CADPS2: variants seen among roughly 807,000 people sequenced by gnomAD.
CADPS2 encodes calcium dependent secretion activator 2.
In CADPS2, 93 loss-of-function variants were observed where a neutral mutation model predicts 172.5. That is an observed-to-expected ratio of 0.54 (90% CI 0.46 to 0.64). CADPS2 has a LOEUF of 0.64. CADPS2 is among the 30% of genes least tolerant of loss of function. CADPS2 has a pLI of 0.00. For missense variants in CADPS2, 1,420 were observed against 1,565.9 expected (o/e 0.91, Z 1.57); for synonymous variants, 546 against 555.2 (o/e 0.98, Z 0.23).
intron 2 of CADPS2, among the ~76,000 whole-genome samples, chr7:122,690,196 C>T (rs575409029): frequency 7.4e-4 from 112 of 152,164 alleles, no homozygotes; most frequent in Non-Finnish European, 1.4e-3. Context: ...GGGTAAATCA[C>T]GTCCCTCAGG....
At chr7:122,402,416 T>C (rs1440154934) in intron 20 of CADPS2, among the ~76,000 whole-genome samples, 2 of 152,202 alleles carry the variant, frequency 1.3e-5, no homozygotes, top group Admixed American at 1.3e-4. Flanking sequence ...CCCGCCCGAG[T>C]TCCTGCCTCT....
At chr7:122,652,347 T>C (rs189808006) in intron 3 of CADPS2, among the ~76,000 whole-genome samples, 2 of 152,330 alleles carry the variant, frequency 1.3e-5, no homozygotes, top group East Asian at 1.9e-4. Flanking sequence ...AAATAACTTT[T>C]CATAAACACA....
At chr7:122,514,890 A>G (rs141683283) in intron 8 of CADPS2, among the ~76,000 whole-genome samples, 2 of 152,164 alleles carry the variant, frequency 1.3e-5, no homozygotes, top group African/African-American at 4.8e-5. Context: ...AACTACACAC[A>G]TAGTTAATGA....
At chr7:122,768,394 T>C (rs912364732) in intron 1 of CADPS2, among the ~76,000 whole-genome samples, 12 of 152,180 alleles carry the variant, frequency 7.9e-5, no homozygotes, top group Non-Finnish European at 1.8e-4. Context: ...AAAGTATTCC[T>C]ACTTTGTTTC....
intron 1 of CADPS2, among the ~76,000 whole-genome samples, chr7:122,868,772 C>T (rs1210207733): frequency 6.6e-6 from 1 of 152,046 alleles, no homozygotes; most frequent in African/African-American, 2.4e-5. Context: ...ACAAGGAATT[C>T]AAAAGGACAG....
intron 8 of CADPS2, among the ~76,000 whole-genome samples, chr7:122,519,375 GAAC>G (rs746466223): frequency 1.2e-4 from 18 of 151,848 alleles, no homozygotes; most frequent in East Asian, 9.7e-4. Flanking sequence ...TGTTCCCTTT[GAAC>G]AACAACAACA....
chr7:122,826,733 A>G (rs1469506257), intron 1 of CADPS2, among the ~76,000 whole-genome samples: 1 of 152,154 alleles, frequency 6.6e-6, no homozygotes, highest in Non-Finnish European at 1.5e-5. Flanking sequence ...AAGATCACTG[A>G]AATGGAAAAC....
At chr7:122,711,059 G>A (rs1300591077) in intron 2 of CADPS2, among the ~76,000 whole-genome samples, 3 of 152,028 alleles carry the variant, frequency 2.0e-5, no homozygotes, top group Non-Finnish European at 2.9e-5. Flanking sequence ...TAAAGAAAGA[G>A]AACAGGCAAT....
In CADPS2 at chr7:122,418,838, G is replaced by T. The variant is rs144409437; in HGVS notation, c.2477-2674C>A. ...CATATATTTTAGCACTAACTACATT[G>T]CCACATAAGTGTGATTTAAAATAAG... is the stretch of plus-strand genomic sequence containing the variant. On this transcript the variant is annotated intron_variant, in intron 17 of 29. Transcript: ENST00000449022. Among the ~76,000 whole-genome samples, 67 of 152,250 alleles carry T rather than the reference G, an allele frequency of 4.4e-4. 4 individuals are homozygous for T. The highest frequency in any genetic ancestry group is 4.1e-4 in the South Asian group (2 of 4,824).
intron 1 of CADPS2, among the ~76,000 whole-genome samples, chr7:122,781,187 T>A (rs898621952): frequency 1.3e-5 from 2 of 152,194 alleles, no homozygotes; most frequent in African/African-American, 2.4e-5. Context: ...TCATTTCAAT[T>A]TGTTGTCCTT....
At chr7:122,638,029 T>C (rs1403930259) in intron 3 of CADPS2, among the ~76,000 whole-genome samples, 1 of 152,188 alleles carries the variant, frequency 6.6e-6, no homozygotes, top group Non-Finnish European at 1.5e-5. Flanking sequence ...GTAGCTCTGT[T>C]GTATTTTGGC....
At chr7:122,736,424 T>C (rs1401904193) in intron 2 of CADPS2, among the ~76,000 whole-genome samples, 3 of 152,126 alleles carry the variant, frequency 2.0e-5, no homozygotes, top group Non-Finnish European at 4.4e-5. Flanking sequence ...TGACCATGTG[T>C]GAAAACTGGT....
At chr7:122,621,449 G>T in intron 5 of CADPS2, 32 bp downstream of exon 5, 1 of 1,362,736 alleles carries the variant, frequency 7.3e-7, no homozygotes, top group Non-Finnish European at 1.0e-6. Context: ...CATTTATGCT[G>T]TCAGAGGTGA....
chr7:122,466,237 A>G (rs1016987786), intron 14 of CADPS2, among the ~76,000 whole-genome samples: 3 of 152,198 alleles, frequency 2.0e-5, no homozygotes, highest in African/African-American at 7.2e-5. Context: ...TTTATTTAAT[A>G]TCTCACAAAG....
At chr7:122,713,211 TCA>T (rs1460306924) in intron 2 of CADPS2, among the ~76,000 whole-genome samples, 4 of 152,132 alleles carry the variant, frequency 2.6e-5, no homozygotes, top group African/African-American at 9.7e-5. Context: ...TATATAATTT[TCA>T]CAGTCTTAAG....
In CADPS2 at chr7:122,490,216, C is replaced by T. The variant is rs756360819; in HGVS notation, c.1717G>A (p.Asp573Asn). The T allele has an allele frequency of 1.2e-6, 2 of 1,613,296 alleles. No individual in the cohort carries two copies. The highest frequency in any genetic ancestry group is 4.5e-5 in the East Asian group (2 of 44,798). ...CATAATATTCTGTCCTGTTCATCAT[C>T]ACTGGCAAAGATTACAGTATCTCCT... ...KEGDTVIFAS[D>N]DEQDRILWVQ... is the part of the protein sequence containing the mutation. The change falls in exon 11 of 30, where the codon GAT becomes AAT. Residue 573 changes from aspartate (D) to asparagine (N), a missense_variant. Coordinates refer to ENST00000449022, the MANE Select transcript of CADPS2 (RefSeq NM_017954.11).
At chr7:122,518,776 G>T (rs563057119) in intron 8 of CADPS2, among the ~76,000 whole-genome samples, 179 of 152,088 alleles carry the variant, frequency 1.2e-3, no homozygotes, top group Non-Finnish European at 2.1e-3. Flanking sequence ...TGGGTTTTAT[G>T]TGACAATTTA....
intron 8 of CADPS2, among the ~76,000 whole-genome samples, chr7:122,517,640 TAGAG>T (rs1039116776): frequency 1.3e-5 from 2 of 152,092 alleles, no homozygotes; most frequent in Non-Finnish European, 2.9e-5. Context: ...GTTGAATATT[TAGAG>T]ACCAAAGATA....
chr7:122,489,564 A>C (rs1563487251), intron 11 of CADPS2, among the ~76,000 whole-genome samples: 1 of 152,156 alleles, frequency 6.6e-6, no homozygotes, highest in Non-Finnish European at 1.5e-5. Flanking sequence ...GCATTCAAAA[A>C]GTGACATGTC....
Sources: gnomAD v4.1 joint callset for allele counts (sites outside exome capture counted in the v4.1 genomes callset) on GRCh38, gnomAD v4.1.1 for gene constraint, MANE v1.5 for transcripts, NCBI Gene and HGNC (gene_info 2026-07-23, HGNC 2026-07-21) for gene names.